The following ANKS1B variants were observed in gnomAD, a reference collection of about 807,000 sequenced individuals.
ANKS1B encodes ankyrin repeat and sterile alpha motif domain-containing protein 1B.
Under a neutral mutation model 148.3 loss-of-function variants are expected in ANKS1B, and 36 were observed. The ratio of observed to expected loss-of-function variants is 0.24; its 90% confidence interval spans 0.19 to 0.32. The LOEUF is 0.32. Ranked by LOEUF, ANKS1B falls within the 10% of genes least tolerant of loss-of-function variation. The pLI is 1.00. For missense variants in ANKS1B, 1,157 were observed against 1,542.6 expected, an observed-to-expected ratio of 0.75 and a Z score of 4.19; for synonymous variants, 542 against 560.8, an observed-to-expected ratio of 0.97 and a Z score of 0.47.
intron 14 of ANKS1B, among the ~76,000 whole-genome samples, chr12:99,159,426 T>C (rs181742052): frequency 8.8e-4 from 134 of 152,272 alleles, no homozygotes; most frequent in African/African-American, 3.0e-3. Context: ...GTCTTCTTCA[T>C]GCCCATGAAT....
At chr12:99,893,612 G>A (rs776899723) in intron 1 of ANKS1B, among the ~76,000 whole-genome samples, 4 of 151,932 alleles carry the variant, frequency 2.6e-5, no homozygotes, top group Non-Finnish European at 5.9e-5. Context: ...AATATAAATG[G>A]TCAAATCTAA....
At chr12:98,750,575 G>A (rs1022014385) in intron 26 of ANKS1B, among the ~76,000 whole-genome samples, 13 of 152,214 alleles carry the variant, frequency 8.5e-5, no homozygotes, top group African/African-American at 1.2e-4. Flanking sequence ...ATTCGGGGGC[G>A]TGAGAGCAAT....
At chr12:99,044,714 T>C (rs1354741566) in intron 17 of ANKS1B, among the ~76,000 whole-genome samples, 1 of 151,932 alleles carries the variant, frequency 6.6e-6, no homozygotes, top group Admixed American at 6.6e-5. Flanking sequence ...TCTGGGGAAG[T>C]ACAAAAAACA....
At chr12:99,158,169 G>A (rs746199974) in intron 14 of ANKS1B, among the ~76,000 whole-genome samples, 1 of 152,132 alleles carries the variant, frequency 6.6e-6, no homozygotes, top group Non-Finnish European at 1.5e-5. Flanking sequence ...AAGAATCTTG[G>A]TTCAGGTCTG....
At chr12:99,280,692 C>T (rs931342095) in intron 12 of ANKS1B, among the ~76,000 whole-genome samples, 12 of 152,152 alleles carry the variant, frequency 7.9e-5, no homozygotes, top group Non-Finnish European at 1.5e-4. Flanking sequence ...ATTCCCATTA[C>T]CTGACTGCCT....
intron 12 of ANKS1B, among the ~76,000 whole-genome samples, chr12:99,289,616 A>G (rs1047910565): frequency 6.6e-6 from 1 of 152,194 alleles, no homozygotes; most frequent in African/African-American, 2.4e-5. Context: ...TAACAAGAAG[A>G]ATGTTAGAAA....
At chr12:99,729,830 T>C (rs530714580) in intron 8 of ANKS1B, among the ~76,000 whole-genome samples, 15 of 152,366 alleles carry the variant, frequency 9.8e-5, no homozygotes, top group African/African-American at 3.6e-4. Context: ...ATTTTAGTGA[T>C]GTTCACTGTC....
chr12:99,546,681 G>C (rs570709084), intron 9 of ANKS1B, among the ~76,000 whole-genome samples: 1 of 152,158 alleles, frequency 6.6e-6, no homozygotes, highest in Non-Finnish European at 1.5e-5. Context: ...AAAACTGAAC[G>C]TTAAGGGTTC....
rs1470208095 is a variant in ANKS1B at position 99,406,236 on chromosome 12, C to G, written c.1576-6425G>C. The stretch of plus-strand genomic sequence containing the variant: ...AGAATATACATTCTTCTCCTTAGTA[C>G]ATGAATAATTCTCAAAGATAGACCA... On this transcript the variant is annotated intron_variant, in intron 11 of 26. Transcript: ENST00000683438. Among the ~76,000 whole-genome samples, 2 of 144,820 alleles carry G rather than the reference C, an allele frequency of 1.4e-5. 1 individual carries two copies. The highest frequency in any genetic ancestry group is 3.0e-5 in the Non-Finnish European group (2 of 65,722).
chr12:99,793,381 G>A (rs2065890947), intron 4 of ANKS1B, among the ~76,000 whole-genome samples: 1 of 151,852 alleles, frequency 6.6e-6, no homozygotes, highest in Admixed American at 6.6e-5. Flanking sequence ...AATAGCCAAA[G>A]CAAACCTGAG....
intron 11 of ANKS1B, among the ~76,000 whole-genome samples, chr12:99,424,032 T>A (rs138189984): frequency 6.6e-6 from 1 of 152,296 alleles, no homozygotes; most frequent in African/African-American, 2.4e-5. Context: ...ACTTCTCGAC[T>A]TAGGCTTTTT....
At chr12:99,932,234 G>T (rs1195617734) in intron 1 of ANKS1B, among the ~76,000 whole-genome samples, 2 of 152,058 alleles carry the variant, frequency 1.3e-5, no homozygotes, top group African/African-American at 4.8e-5. Flanking sequence ...TAAACATGGG[G>T]GTGTAAATAT....
intron 12 of ANKS1B, among the ~76,000 whole-genome samples, chr12:99,353,128 A>C (rs563105490): frequency 4.7e-4 from 72 of 152,146 alleles, no homozygotes; most frequent in African/African-American, 1.6e-3. Context: ...TGAATCTCAC[A>C]AGGATACCAG....
intron 15 of ANKS1B, among the ~76,000 whole-genome samples, chr12:99,106,875 T>C (rs974721189): frequency 4.6e-5 from 7 of 152,206 alleles, no homozygotes; most frequent in African/African-American, 1.7e-4. Context: ...TTTTTTTCCA[T>C]TTAGCTTTCA....
At chr12:99,268,085 C>T (rs1360010950) in intron 12 of ANKS1B, among the ~76,000 whole-genome samples, 1 of 152,152 alleles carries the variant, frequency 6.6e-6, no homozygotes, top group East Asian at 1.9e-4. Context: ...ATATTCCAAA[C>T]TTCTTAACAC....
At chr12:98,759,077 G>A (rs1419301263) in intron 25 of ANKS1B, among the ~76,000 whole-genome samples, 2 of 151,986 alleles carry the variant, frequency 1.3e-5, no homozygotes, top group Non-Finnish European at 1.5e-5. Context: ...CACTGTGCCC[G>A]GCCTGGGATT....
intron 17 of ANKS1B, among the ~76,000 whole-genome samples, chr12:98,992,926 C>G (rs1474938971): frequency 1.4e-5 from 2 of 146,928 alleles, no homozygotes; most frequent in African/African-American, 5.1e-5. Context: ...CAAGTAGTTT[C>G]TGAAGTTTCT....
At chr12:99,458,623 C>A (rs2095887307) in intron 10 of ANKS1B, among the ~76,000 whole-genome samples, 1 of 151,892 alleles carries the variant, frequency 6.6e-6, no homozygotes, top group South Asian at 2.1e-4. Flanking sequence ...TTTAAGGTTA[C>A]TATGAACACT....
At chr12:99,650,420 A>G (rs1022687032) in intron 9 of ANKS1B, among the ~76,000 whole-genome samples, 5 of 152,204 alleles carry the variant, frequency 3.3e-5, no homozygotes, top group Non-Finnish European at 7.3e-5. Context: ...TATCTGGAAC[A>G]TAGTAGGCAC....
Sources: gnomAD v4.1 joint callset for allele counts (sites outside exome capture counted in the v4.1 genomes callset) on GRCh38, gnomAD v4.1.1 for gene constraint, MANE v1.5 for transcripts, NCBI Gene and HGNC (gene_info 2026-07-23, HGNC 2026-07-21) for gene names.